The following CELA3B variants were observed in gnomAD, a reference collection of about 807,000 sequenced individuals.
The protein encoded by CELA3B is chymotrypsin-like elastase family member 3B.
A neutral mutation model predicts 37.2 loss-of-function variants in CELA3B; 34 were observed. The ratio of observed to expected loss-of-function variants is 0.91; its 90% CI spans 0.70 to 1.22. CELA3B has a LOEUF of 1.22. CELA3B is among the 50% of genes most tolerant of loss of function. The probability of loss-of-function intolerance (pLI) is 0.00; values close to 1 mark genes in which losing one functional copy is unlikely to be tolerated. For missense variants in CELA3B, 340 were observed against 363.1 expected (o/e 0.94, Z 0.52); for synonymous variants, 127 against 143.5 (o/e 0.89, Z 0.82).
chr1:21,979,479 G>T (rs1450224505), intron 2 of CELA3B, among the ~76,000 whole-genome samples: 1 of 110,868 alleles, frequency 9.0e-6, no homozygotes, highest in Non-Finnish European at 1.8e-5. Flanking sequence ...TTGAGACAGG[G>T]TCTTGCTGTG....
At chr1:21,996,332 T>A (rs1042633134) in intron 4 of CELA3B, among the ~76,000 whole-genome samples, 2 of 150,890 alleles carry the variant, frequency 1.3e-5, no homozygotes, top group Non-Finnish European at 2.9e-5. Flanking sequence ...GATAAAACAG[T>A]TTGCAGTAAA....
At chr1:21,978,542 C>G in intron 2 of CELA3B, 88 bp downstream of exon 2, 4 of 1,483,006 alleles carry the variant, frequency 2.7e-6, no homozygotes, top group Non-Finnish European at 3.8e-6. Context: ...GACACCATTG[C>G]TCCCTTTGCA....
At chr1:21,980,217 C>T (rs377131862) in intron 2 of CELA3B, among the ~76,000 whole-genome samples, 22,028 of 133,518 alleles carry the variant, frequency 0.16, 2,395 homozygotes, top group African/African-American at 0.3. Flanking sequence ...CGGTGGCTCA[C>T]GCCTGTAATC....
rs147424223 is a variant in CELA3B at position 21,986,587 on chromosome 1, T to C, written c.699T>C (p.His233=). 4.7e-4 allele frequency: 751 copies of C among 1,612,780 alleles called. No homozygotes were observed. Among genetic ancestry groups the C allele is most frequent in the South Asian group, 1.3e-3 (119 of 90,864 alleles). The change falls in exon 7 of 8, where the codon CAT becomes CAC. Residue 233 remains histidine, a synonymous_variant. Transcript: ENST00000337107. ...CPTEDGGWQV[H]GVTSFVSAFG... is the part of the protein sequence containing the mutation. The stretch of plus-strand genomic sequence containing the variant: ...CAGAGGATGGTGGCTGGCAGGTCCA[T>C]GGCGTGACCAGCTTTGTTTCTGCCT...
At chr1:21,997,568 A>G (rs1249069612) in intron 4 of CELA3B, among the ~76,000 whole-genome samples, 1 of 150,618 alleles carries the variant, frequency 6.6e-6, no homozygotes, top group Admixed American at 6.6e-5. Context: ...GGTGCCTGTA[A>G]TCCCAGCTAC....
chr1:21,986,137 G>A lies in CELA3B; in HGVS notation c.643-394G>A, dbSNP rs1363432059. Among the ~76,000 whole-genome samples, 16 of 150,944 alleles carry A rather than the reference G, an allele frequency of 1.1e-4. No individual in the cohort carries two copies. The East Asian group carries it at 1.9e-3, about 18-fold the overall frequency. ...ACCCATAATCCCTTTGGGAGGCCCC[G>A]GCAGGTGGATCACCTGAGGTCAGGA... On this transcript the variant is annotated intron_variant, in intron 6 of 7. Transcript: ENST00000337107.
downstream of CELA3B, among the ~76,000 whole-genome samples, chr1:21,991,583 G>C (rs868110151): frequency 3.3e-5 from 5 of 150,810 alleles, no homozygotes; most frequent in African/African-American, 1.2e-4. Context: ...TGATCCACCC[G>C]CCTTGGCCTC....
At chr1:21,981,984 C>T (rs1644808632) in intron 4 of CELA3B, among the ~76,000 whole-genome samples, 1 of 152,070 alleles carries the variant, frequency 6.6e-6, no homozygotes, top group East Asian at 1.9e-4. Context: ...CTCGGCCTCC[C>T]AAAGTGCTAG....
chr1:21,982,670 TTTTTG>T (rs1008515919), intron 4 of CELA3B, among the ~76,000 whole-genome samples: 5 of 151,940 alleles, frequency 3.3e-5, no homozygotes, highest in East Asian at 3.9e-4. Flanking sequence ...CAGCAGTCTG[TTTTTG>T]TTTTGTTTTG....
At chr1:21,982,661 A>T (rs1644812374) in intron 4 of CELA3B, among the ~76,000 whole-genome samples, 1 of 151,964 alleles carries the variant, frequency 6.6e-6, no homozygotes, top group African/African-American at 2.4e-5. Context: ...GGTGGGATGC[A>T]GCAGTCTGTT....
chr1:21,993,515 T>G (rs190423590), downstream of CELA3B, among the ~76,000 whole-genome samples: 1 of 151,442 alleles, frequency 6.6e-6, no homozygotes, highest in East Asian at 1.9e-4. Context: ...TTTGTTCATT[T>G]ATTTTTCAAA....
rs1483378698 is a variant in CELA3B, at chr1:21,983,900, G to C, written c.499+70G>C. The C allele has an allele frequency of 9.0e-5, 138 of 1,533,220 alleles. 1 individual carries two copies. The highest frequency in any genetic ancestry group is 1.2e-4 in the Non-Finnish European group (135 of 1,128,252). The allele number at this position is 1,533,220 out of a possible 1,614,324, so 95.0% of individuals were successfully genotyped here. On this transcript the variant is annotated intron_variant, in intron 5 of 7. Transcript: ENST00000337107. ...AGACAGGGCCTGGGGGCTGCAGGTT[G>C]AAGGTAACACCAAGACCAGACCTTG...
In CELA3B at chr1:21,984,319, C is replaced by T; in HGVS notation, c.630C>T (p.Arg210=). The change falls in exon 6 of 8, where the codon CGC becomes CGT. Residue 210 remains arginine, a synonymous_variant. Coordinates refer to ENST00000337107, the MANE Select transcript of CELA3B (RefSeq NM_007352.4). ...TGGTGTGTGCTGGAGGGGACATCCG[C>T]TCCGGCTGCAATGTGAGTCAGCTCT... ...KTMVCAGGDI[R]SGCNGDSGGP... The T allele has an allele frequency of 6.2e-7, 1 of 1,613,566 alleles. No individual in the cohort carries two copies. The highest frequency in any genetic ancestry group is 8.5e-7 in the Non-Finnish European group (1 of 1,179,780).
chr1:21,979,628 T>C (rs1481474890), intron 2 of CELA3B, among the ~76,000 whole-genome samples: 29 of 151,226 alleles, frequency 1.9e-4, no homozygotes, highest in African/African-American at 5.1e-4. Context: ...AATTTTTATA[T>C]ATTGTTGTAG....
At chr1:21,994,146 T>G (rs937536756), downstream of CELA3B, among the ~76,000 whole-genome samples, 1 of 151,190 alleles carries the variant, frequency 6.6e-6, no homozygotes, top group African/African-American at 2.4e-5. Flanking sequence ...TCCTTAGATT[T>G]ATTCCTTGCT....
At position 21,987,051 on chromosome 1, in the gene CELA3B, C is replaced by T. The variant is rs553137741; in HGVS notation, c.795+368C>T. 2.3e-3 allele frequency: 823 copies of T among 363,918 alleles called. 10 individuals carry two copies. The highest frequency in any genetic ancestry group is 0.011 in the Middle Eastern group (20 of 1,766). 22.5% of individuals were successfully genotyped at this position (363,918 alleles called of 1,614,324 possible). On this transcript the variant is annotated intron_variant, in intron 7 of 7. Coordinates refer to ENST00000337107, the MANE Select transcript of CELA3B (RefSeq NM_007352.4). ...GAGAACGATGCAGTCTGATGAGAGC[C>T]GAGAGAGGGGAGTCCAGGCCCCAGA...
chr1:21,995,558 A>G (rs142806778), intron 4 of CELA3B, among the ~76,000 whole-genome samples: 6,807 of 151,150 alleles, frequency 0.045, 589 homozygotes, highest in African/African-American at 0.13. Flanking sequence ...AGAGATGCCT[A>G]CAAATTTCAG....
At chr1:21,981,976 C>G (rs10917094) in intron 4 of CELA3B, among the ~76,000 whole-genome samples, 1 of 151,870 alleles carries the variant, frequency 6.6e-6, no homozygotes, top group African/African-American at 2.4e-5. Context: ...CTGCCCGCCT[C>G]GGCCTCCCAA....
At chr1:21,993,091 G>T (rs1249087496), downstream of CELA3B, among the ~76,000 whole-genome samples, 2 of 151,292 alleles carry the variant, frequency 1.3e-5, no homozygotes, top group African/African-American at 4.9e-5. Flanking sequence ...GTCATGCTTT[G>T]ATGTATTTCC....
Sources: gnomAD v4.1 joint callset for allele counts (sites outside exome capture counted in the v4.1 genomes callset) on GRCh38, gnomAD v4.1.1 for gene constraint, MANE v1.5 for transcripts, NCBI Gene and HGNC (gene_info 2026-07-23, HGNC 2026-07-21) for gene names.